The following SNX14 variants were observed in gnomAD, a reference collection of about 807,000 sequenced individuals.
SNX14 encodes sorting nexin-14.
SNX14 carries 93 observed loss-of-function variants against 133.8 expected under a neutral mutation model. That is an observed-to-expected ratio of 0.70 (90% CI 0.59 to 0.83). The LOEUF (loss-of-function observed/expected upper bound fraction) is 0.83, where lower values mean the gene tolerates loss of function less well. Ranked by LOEUF, SNX14 falls within the 40% of genes least tolerant of loss-of-function variation. The pLI is 0.00. For synonymous variants in SNX14, 368 were observed against 365.6 expected (o/e 1.01, Z -0.07); for missense variants, 945 against 1,094.9 (o/e 0.86, Z 1.93).
intron 4 of SNX14, among the ~76,000 whole-genome samples, chr6:85,570,315 T>C (rs1795137662): frequency 9.7e-6 from 1 of 103,188 alleles, no homozygotes; most frequent in African/African-American, 3.7e-5. Flanking sequence ...TTTATACAAG[T>C]CCTTTCATTT....
intron 15 of SNX14, among the ~76,000 whole-genome samples, chr6:85,540,657 T>C (rs1266646397): frequency 6.6e-6 from 1 of 152,218 alleles, no homozygotes; most frequent in Non-Finnish European, 1.5e-5. Flanking sequence ...AGGCATTAAA[T>C]CAGAATTAAT....
intron 5 of SNX14, among the ~76,000 whole-genome samples, chr6:85,565,871 T>G (rs1053427096): frequency 7.9e-5 from 12 of 152,208 alleles, no homozygotes; most frequent in Admixed American, 5.9e-4. Context: ...TTAAATGAAC[T>G]GAAACTCAGA....
At chr6:85,538,440 T>G (rs1032612398) in intron 16 of SNX14, among the ~76,000 whole-genome samples, 1 of 152,118 alleles carries the variant, frequency 6.6e-6, no homozygotes, top group African/African-American at 2.4e-5. Flanking sequence ...ATCTAAAAAC[T>G]CTCACTTATG....
At chr6:85,532,149 A>C (rs2127999282) in intron 18 of SNX14, among the ~76,000 whole-genome samples, 1 of 152,366 alleles carries the variant, frequency 6.6e-6, no homozygotes, top group African/African-American at 2.4e-5. Flanking sequence ...CTTTTAAGAT[A>C]AAGCATAAAA....
intron 6 of SNX14, among the ~76,000 whole-genome samples, chr6:85,563,740 A>G (rs1214104764): frequency 6.6e-6 from 1 of 152,116 alleles, no homozygotes; most frequent in Non-Finnish European, 1.5e-5. Context: ...CATTTACTCA[A>G]TAAATCCATC....
In SNX14 at chr6:85,580,588, C is replaced by G. The variant is rs76898786; in HGVS notation, c.141-6210G>C. 4.1e-3 allele frequency among the ~76,000 whole-genome samples: 630 copies of G among 152,260 alleles called. 2 individuals are homozygous for G. The highest frequency in any genetic ancestry group is 0.014 in the African/African-American group (598 of 41,552). On this transcript the variant is annotated intron_variant, in intron 1 of 28. Transcript: ENST00000314673. ...CTTAGATGCCATTTCTAGACCTACC[C>G]TGGGCCAAAGGGGAGTGCATTGCCC... is the stretch of plus-strand genomic sequence containing the variant.
At position 85,543,947 on chromosome 6, in the gene SNX14, G is replaced by GT. The variant is rs561870451; in HGVS notation, c.1109-188dup. ...AATAAAAGAGAAATGCAATCAACCA[G>GT]TTTTTATACATTAATAGAAAATATG... On this transcript the variant is annotated intron_variant, in intron 12 of 28. Coordinates refer to ENST00000314673, the MANE Select transcript of SNX14 (RefSeq NM_153816.6). 4.9e-3 allele frequency among the ~76,000 whole-genome samples: 739 copies of GT among 152,066 alleles called. 6 individuals are homozygous for GT. Among genetic ancestry groups the GT allele is most frequent in the Non-Finnish European group, 7.3e-3 (499 of 67,952 alleles).
Position 85,514,647 on chromosome 6 carries a change from A to G in SNX14, c.2269-18T>C. 3 of 1,600,918 alleles carry G rather than the reference A, an allele frequency of 1.9e-6. No homozygotes were observed. Among genetic ancestry groups the G allele is most frequent in the Non-Finnish European group, 2.6e-6 (3 of 1,170,876 alleles). On this transcript the variant is annotated intron_variant, in intron 23 of 28. Coordinates refer to ENST00000314673, the MANE Select transcript of SNX14 (RefSeq NM_153816.6). Reference sequence around the variant, plus strand: ...TTGAAAAGCTAAAATAAAAGTTGGAATAATAAAGAGATATATAGTTTATTA... The same window carrying G: ...TTGAAAAGCTAAAATAAAAGTTGGAGTAATAAAGAGATATATAGTTTATTA...
rs1786387494 is a variant in SNX14, at chr6:85,548,182, G to A, written c.867+119C>T. The A allele has an allele frequency of 8.6e-6, 6 of 701,282 alleles. No individual in the cohort carries two copies. In the South Asian group the frequency reaches 1.1e-4, roughly 13 times the overall value. 43.4% of individuals were successfully genotyped at this position (701,282 alleles called of 1,614,324 possible). On this transcript the variant is annotated intron_variant, in intron 9 of 28. Transcript: ENST00000314673. Reference sequence around the variant, plus strand: ...GTTCTGGAGATGGGGAATGGGGATGGTTGCACAACAATATGAATGTTTTCA... The same window carrying A: ...GTTCTGGAGATGGGGAATGGGGATGATTGCACAACAATATGAATGTTTTCA...
intron 1 of SNX14, among the ~76,000 whole-genome samples, chr6:85,581,023 G>A (rs1798890708): frequency 2.6e-5 from 4 of 152,040 alleles, no homozygotes. Context: ...GTTACAGTGG[G>A]CCTTGGATGA....
At chr6:85,551,391 C>T (rs1235264777) in intron 7 of SNX14, among the ~76,000 whole-genome samples, 2 of 152,176 alleles carry the variant, frequency 1.3e-5, no homozygotes, top group Non-Finnish European at 2.9e-5. Context: ...AAAGAAACAT[C>T]TGTCAGATTC....
In SNX14 at chr6:85,547,191, T is replaced by C. The variant is rs775848824; in HGVS notation, c.1029A>G (p.Gln343=). The change falls in exon 12 of 29, where the codon CAA becomes CAG. Residue 343 remains glutamine, a synonymous_variant. Transcript: ENST00000314673. ...TCATAAAACGAAATAAAAGATCTTG[T>C]TGCTCTCTGATTTGCTTCAATTCTA... ...LKLELKQIRE[Q]QDLLFRFMNF... The C allele has an allele frequency of 2.5e-6, 4 of 1,614,130 alleles. No homozygotes were observed. Among genetic ancestry groups the C allele is most frequent in the South Asian group, 1.1e-5 (1 of 91,086 alleles).
chr6:85,543,300 T>C lies in SNX14; in HGVS notation c.1271A>G (p.Glu424Gly). 6.4e-7 allele frequency: 1 copy of C among 1,564,736 alleles called. No individual in the cohort carries two copies. The highest frequency in any genetic ancestry group is 1.2e-5 in the South Asian group (1 of 82,180). ...TTTCACAACATCTATGTATGGGCCTTCAGCAACTATTAAAAAAATTCTACT... is the reference window on the plus strand; with the variant it reads ...TTTCACAACATCTATGTATGGGCCTCCAGCAACTATTAAAAAAATTCTACT... ...FIVEEIQRIA[E>G]GPYIDVVKLQ... Residue 424 changes from glutamate (E) to glycine (G), a missense_variant, in exon 14 of 29, where the codon GAA becomes GGA. Coordinates refer to ENST00000314673, the MANE Select transcript of SNX14 (RefSeq NM_153816.6).
rs745432400 is a variant in SNX14 at position 85,505,940 on chromosome 6, G to A, written c.*27C>T. ...ACCCTCGCACAGCAGAAATTTCAAT[G>A]GGTTATTCTATACCAAATCCAAGTG... On this transcript the variant is annotated 3_prime_UTR_variant, in exon 29 of 29. Coordinates refer to ENST00000314673, the MANE Select transcript of SNX14 (RefSeq NM_153816.6). 1 of 1,560,360 alleles carries A rather than the reference G, an allele frequency of 6.4e-7. No individual in the cohort carries two copies. Among genetic ancestry groups the A allele is most frequent in the Non-Finnish European group, 8.8e-7 (1 of 1,132,020 alleles).
At chr6:85,565,029 T>C (rs1168298900) in intron 6 of SNX14, among the ~76,000 whole-genome samples, 1 of 151,898 alleles carries the variant, frequency 6.6e-6, no homozygotes, top group African/African-American at 2.4e-5. Flanking sequence ...TTCTAAAAGA[T>C]ACACTTAGAA....
chr6:85,513,730 A>G, intron 26 of SNX14, 70 bp downstream of exon 26: 2 of 1,143,948 alleles, frequency 1.7e-6, no homozygotes, highest in Non-Finnish European at 2.5e-6. Context: ...AGCTTCAATA[A>G]TTACTATACA....
intron 21 of SNX14, among the ~76,000 whole-genome samples, chr6:85,523,452 A>G (rs1777534240): frequency 6.6e-6 from 1 of 152,226 alleles, no homozygotes; most frequent in African/African-American, 2.4e-5. Flanking sequence ...GACACCAAAT[A>G]GGAAAAACGT....
At chr6:85,578,444 G>C (rs534760153) in intron 1 of SNX14, among the ~76,000 whole-genome samples, 6 of 152,264 alleles carry the variant, frequency 3.9e-5, no homozygotes, top group African/African-American at 9.6e-5. Flanking sequence ...AGGGAAGAGG[G>C]GGGTATCCTG....
intron 1 of SNX14, among the ~76,000 whole-genome samples, chr6:85,575,217 GCA>G (rs1216679014): frequency 6.6e-6 from 1 of 152,190 alleles, no homozygotes; most frequent in Non-Finnish European, 1.5e-5. Flanking sequence ...TCCTCACATT[GCA>G]CAGTTCTGAT....
Sources: allele counts gnomAD v4.1 joint callset (sites outside exome capture counted in the v4.1 genomes callset), GRCh38; gene constraint gnomAD v4.1.1; transcripts MANE v1.5; gene names NCBI Gene and HGNC (gene_info 2026-07-23, HGNC 2026-07-21).